The following KIRREL3 variants were observed in gnomAD, a reference collection of about 807,000 sequenced individuals.
KIRREL3 encodes kirre like nephrin family adhesion molecule 3.
KIRREL3 carries 36 observed loss-of-function variants against 89.7 expected under a neutral mutation model. That is an observed-to-expected ratio of 0.40 (90% CI 0.31 to 0.53). The LOEUF (loss-of-function observed/expected upper bound fraction) is 0.53, where lower values mean the gene tolerates loss of function less well. Ranked by LOEUF, KIRREL3 falls within the 20% of genes least tolerant of loss-of-function variation. The probability of loss-of-function intolerance (pLI) is 0.49; values close to 1 mark genes in which losing one functional copy is unlikely to be tolerated. For missense variants in KIRREL3, 864 were observed against 1,056.6 expected (o/e 0.82, Z 2.53); for synonymous variants, 445 against 441.4 (o/e 1.01, Z -0.10).
intron 1 of KIRREL3, among the ~76,000 whole-genome samples, chr11:126,591,911 G>A (rs1459722434): frequency 6.6e-6 from 1 of 152,138 alleles, no homozygotes; most frequent in Non-Finnish European, 1.5e-5. Context: ...GCCTGCCTTT[G>A]GGCCCTCTCA....
At chr11:126,634,916 G>T (rs779254092) in intron 1 of KIRREL3, among the ~76,000 whole-genome samples, 1 of 152,122 alleles carries the variant, frequency 6.6e-6, no homozygotes, top group African/African-American at 2.4e-5. Context: ...AGGGAAGTGT[G>T]GAGGGAGGGT....
At position 126,754,314 on chromosome 11, in the gene KIRREL3, T is replaced by C. The variant is rs546280290; in HGVS notation, c.56-191402A>G. 6.6e-6 allele frequency among the ~76,000 whole-genome samples: 1 copy of C among 152,264 alleles called. No individual in the cohort carries two copies. Among genetic ancestry groups the C allele is most frequent in the East Asian group, 1.9e-4 (1 of 5,188 alleles). ...ATAGAAAGTGAGATTAAAAGAAAAC[T>C]TGATGGAAAATAAAGATGTTCACTG... is the stretch of plus-strand genomic sequence containing the variant. On this transcript the variant is annotated intron_variant, in intron 1 of 16. Transcript: ENST00000525144. The surrounding 1 kb of genome is among the most constrained non-coding windows in gnomAD (Gnocchi z 5.1).
chr11:126,816,093 T>C (rs563111695), intron 1 of KIRREL3, among the ~76,000 whole-genome samples: 8 of 152,372 alleles, frequency 5.3e-5, no homozygotes, highest in East Asian at 1.9e-4. Context: ...GTGATAATTA[T>C]TGAATTTTCA....
At chr11:126,470,373 G>A (rs539538574) in intron 5 of KIRREL3, among the ~76,000 whole-genome samples, 231 of 152,350 alleles carry the variant, frequency 1.5e-3, no homozygotes, top group African/African-American at 5.2e-3. Context: ...ACATAAGGGA[G>A]AGGCTTGTCT....
chr11:126,754,733 A>T lies in KIRREL3; in HGVS notation c.56-191821T>A, dbSNP rs1949438588. ...ATCTCCCGTCTAAGTGCAGGTCTTGATTAAGGCTTTGGGTCTACAGGTTGG... is the reference window on the plus strand; with the variant it reads ...ATCTCCCGTCTAAGTGCAGGTCTTGTTTAAGGCTTTGGGTCTACAGGTTGG... On this transcript the variant is annotated intron_variant, in intron 1 of 16. Coordinates refer to ENST00000525144, the MANE Select transcript of KIRREL3 (RefSeq NM_032531.4). This position sits in a 1 kb window ranked among gnomAD's most constrained non-coding sequence, Gnocchi z 5.1. Among the ~76,000 whole-genome samples, 1 of 151,994 alleles carries T rather than the reference A, an allele frequency of 6.6e-6. No homozygotes were observed. Among genetic ancestry groups the T allele is most frequent in the African/African-American group, 2.4e-5 (1 of 41,330 alleles).
chr11:126,503,311 A>T (rs1285008264), intron 4 of KIRREL3, among the ~76,000 whole-genome samples: 4 of 152,066 alleles, frequency 2.6e-5, no homozygotes, highest in Admixed American at 2.6e-4. Context: ...GTTAAGGTGG[A>T]TGTGGGCACT....
At chr11:126,958,634 C>G (rs1452017412) in intron 1 of KIRREL3, among the ~76,000 whole-genome samples, 1 of 152,242 alleles carries the variant, frequency 6.6e-6, no homozygotes, top group Non-Finnish European at 1.5e-5. Flanking sequence ...GTGCCTAGTG[C>G]AGTGTCTTTC....
intron 1 of KIRREL3, among the ~76,000 whole-genome samples, chr11:126,759,787 TATAA>T (rs1471480750): frequency 6.6e-6 from 1 of 152,250 alleles, no homozygotes; most frequent in Non-Finnish European, 1.5e-5. Flanking sequence ...TTCCTACAGT[TATAA>T]ATATAGTCTC....
At chr11:126,928,915 A>G (rs1361838730) in intron 1 of KIRREL3, among the ~76,000 whole-genome samples, 2 of 152,208 alleles carry the variant, frequency 1.3e-5, no homozygotes, top group African/African-American at 4.8e-5. Context: ...CTTGGGAGCC[A>G]TGAGCAAACC....
At chr11:126,959,370 T>TAC (rs1291660296) in intron 1 of KIRREL3, among the ~76,000 whole-genome samples, 3 of 152,076 alleles carry the variant, frequency 2.0e-5, no homozygotes, top group Non-Finnish European at 4.4e-5. Context: ...CACACACACA[T>TAC]ACACACACAC....
rs903427601 is a variant in KIRREL3 at position 126,879,690 on chromosome 11, T to C, written c.55+120765A>G. ...AATGGAGAGATAGCCTTGATATTTG[T>C]GGTTCAGTCATTTAACCTTTGCACA... On this transcript the variant is annotated intron_variant, in intron 1 of 16. Coordinates refer to ENST00000525144, the MANE Select transcript of KIRREL3 (RefSeq NM_032531.4). The surrounding 1 kb of genome is among the most constrained non-coding windows in gnomAD (Gnocchi z 5.4). Among the ~76,000 whole-genome samples, 2 of 152,256 alleles carry C rather than the reference T, an allele frequency of 1.3e-5. No individual in the cohort carries two copies. Among genetic ancestry groups the C allele is most frequent in the African/African-American group, 2.4e-5 (1 of 41,468 alleles).
Position 126,867,121 on chromosome 11 carries a change from A to G in KIRREL3, c.55+133334T>C, listed in dbSNP as rs981511131. Among the ~76,000 whole-genome samples the G allele has an allele frequency of 1.3e-5, 2 of 152,150 alleles. No homozygotes were observed. Among genetic ancestry groups the G allele is most frequent in the Non-Finnish European group, 2.9e-5 (2 of 68,018 alleles). On this transcript the variant is annotated intron_variant, in intron 1 of 16. Coordinates refer to ENST00000525144, the MANE Select transcript of KIRREL3 (RefSeq NM_032531.4). This position sits in a 1 kb window ranked among gnomAD's most constrained non-coding sequence, Gnocchi z 4.7. ...AGGAGCTGTAAACACTCAACCCTAC[A>G]TGCTGCCTTGGGGTTGGAGCCCAAA...
At chr11:126,949,902 CTGTGTACATTAAAACCAAAATAAATAA>C (rs2135143264) in intron 1 of KIRREL3, among the ~76,000 whole-genome samples, 2 of 152,346 alleles carry the variant, frequency 1.3e-5, no homozygotes, top group African/African-American at 4.8e-5. Flanking sequence ...GAGTTCTCCA[CTGTGTACATTAAAACCAAAATAAATAA>C]TCCAAGAAAA....
chr11:126,609,992 T>A lies in KIRREL3; in HGVS notation c.56-47080A>T, dbSNP rs1337330766. ...GCAATGATCATCTTCCTTTTACAGA[T>A]GAAGAAACTGAGGCTCAGGGAGGTT... is the stretch of plus-strand genomic sequence containing the variant. On this transcript the variant is annotated intron_variant, in intron 1 of 16. Transcript: ENST00000525144. This position sits in a 1 kb window ranked among gnomAD's most constrained non-coding sequence, Gnocchi z 5.0. Among the ~76,000 whole-genome samples, 1 of 152,182 alleles carries A rather than the reference T, an allele frequency of 6.6e-6. No homozygotes were observed. Among genetic ancestry groups the A allele is most frequent in the Admixed American group, 6.5e-5 (1 of 15,282 alleles).
At position 126,653,546 on chromosome 11, in the gene KIRREL3, T is replaced by G. The variant is rs1429118345; in HGVS notation, c.56-90634A>C. Among the ~76,000 whole-genome samples the G allele has an allele frequency of 6.6e-6, 1 of 152,126 alleles. No homozygotes were observed. Among genetic ancestry groups the G allele is most frequent in the Non-Finnish European group, 1.5e-5 (1 of 68,032 alleles). On this transcript the variant is annotated intron_variant, in intron 1 of 16. Coordinates refer to ENST00000525144, the MANE Select transcript of KIRREL3 (RefSeq NM_032531.4). This position sits in a 1 kb window ranked among gnomAD's most constrained non-coding sequence, Gnocchi z 5.4. ...AGCAATATAAACACCAGATACGGAA[T>G]GAGAAAAAAGCGGCACCGGAAGTGG...
chr11:126,446,433 G>A (rs190422875), intron 9 of KIRREL3, among the ~76,000 whole-genome samples: 1 of 152,096 alleles, frequency 6.6e-6, no homozygotes, highest in East Asian at 1.9e-4. Context: ...AGCCTCCTGA[G>A]TAGCTGGGAC....
At chr11:126,841,915 G>A (rs1943975466) in intron 1 of KIRREL3, among the ~76,000 whole-genome samples, 1 of 152,158 alleles carries the variant, frequency 6.6e-6, no homozygotes, top group African/African-American at 2.4e-5. Context: ...GTGGACCACG[G>A]GGTTGAAATA....
chr11:126,618,173 C>A (rs1202449032), intron 1 of KIRREL3, among the ~76,000 whole-genome samples: 1 of 152,224 alleles, frequency 6.6e-6, no homozygotes, highest in African/African-American at 2.4e-5. Flanking sequence ...GCTTCTCCTA[C>A]AACTTCTGCC....
At chr11:126,447,718 A>C (rs889007341) in intron 8 of KIRREL3, among the ~76,000 whole-genome samples, 8 of 152,300 alleles carry the variant, frequency 5.3e-5, no homozygotes, top group Admixed American at 2.0e-4. Flanking sequence ...GTGGCCAGGC[A>C]GGCCTCAGAG....
Sources: gnomAD v4.1 joint callset for allele counts (sites outside exome capture counted in the v4.1 genomes callset) on GRCh38, gnomAD v4.1.1 for gene constraint, Gnocchi (gnomAD v3.1) non-coding constraint, MANE v1.5 for transcripts, NCBI Gene and HGNC (gene_info 2026-07-23, HGNC 2026-07-21) for gene names.